CGAS: variants seen among roughly 807,000 people sequenced by gnomAD.
The protein encoded by CGAS is cyclic GMP-AMP synthase, also known as 2'3'-cGAMP synthase.
In CGAS, 31 loss-of-function variants were observed where a neutral mutation model predicts 34.0. That is an observed-to-expected ratio of 0.91 (90% confidence interval 0.69 to 1.23). The LOEUF (loss-of-function observed/expected upper bound fraction) is 1.23, where lower values mean the gene tolerates loss of function less well. CGAS is among the 50% of genes most tolerant of loss of function. The probability of loss-of-function intolerance (pLI) is 0.00; values close to 1 mark genes in which losing one functional copy is unlikely to be tolerated. For missense variants in CGAS, 597 were observed against 657.6 expected (o/e 0.91, Z 1.01); for synonymous variants, 266 against 260.0 (o/e 1.02, Z -0.22).
At position 73,424,603 on chromosome 6, in the gene CGAS, A is replaced by C. The variant is rs1320925851; in HGVS notation, c.*624T>G. Reference sequence around the variant, plus strand: ...GCCTGCATGATAAAGCAAACATGGTAATGTTTTTAGATTTCAAATACTACT... The same window carrying C: ...GCCTGCATGATAAAGCAAACATGGTCATGTTTTTAGATTTCAAATACTACT... On this transcript the variant is annotated 3_prime_UTR_variant, in exon 5 of 5. Transcript: ENST00000370315. 6.6e-6 allele frequency: 1 copy of C among 152,106 alleles called. No homozygotes were observed. The highest frequency in any genetic ancestry group is 1.5e-5 in the Non-Finnish European group (1 of 68,022). 9.4% of individuals were successfully genotyped at this position (152,106 alleles called of 1,614,324 possible).
intron 3 of CGAS, among the ~76,000 whole-genome samples, chr6:73,439,308 C>T (rs1249568277): frequency 2.6e-5 from 4 of 151,096 alleles, no homozygotes; most frequent in Admixed American, 6.6e-5. Context: ...GGTGAAACCC[C>T]GTCTCTACTA....
chr6:73,431,159 T>C (rs976538544), intron 3 of CGAS, among the ~76,000 whole-genome samples: 1 of 151,752 alleles, frequency 6.6e-6, no homozygotes, highest in African/African-American at 2.4e-5. Context: ...AGTTACCTTC[T>C]AGATCTAACT....
rs772235312 is a variant in CGAS at position 73,440,265 on chromosome 6, C to T, written c.1058G>A (p.Arg353Gln). ...WLSAKVRKQL[R>Q]LKPFYLVPKH... ...GGGTACAAGGTAAAATGGCTTTAGT[C>T]GTAGTTGCTTCCTAACTTTTGCTGA... is the stretch of plus-strand genomic sequence containing the variant. The change falls in exon 3 of 5, where the codon CGA (arginine) becomes CAA (glutamine). Residue 353 changes from arginine to glutamine, a missense_variant. Arg to Gln is a conservative substitution (Grantham distance 43). Transcript: ENST00000370315. The T allele has an allele frequency of 6.1e-5, 98 of 1,614,148 alleles. No individual in the cohort carries two copies. Among genetic ancestry groups the T allele is most frequent in the Non-Finnish European group, 7.7e-5 (91 of 1,180,026 alleles).
At chr6:73,445,091 G>A (rs1478495363) in intron 2 of CGAS, among the ~76,000 whole-genome samples, 1 of 152,030 alleles carries the variant, frequency 6.6e-6, no homozygotes, top group African/African-American at 2.4e-5. Context: ...TAGGTTTGGA[G>A]TGCAAAGGAT....
At chr6:73,437,097 A>G (rs1305012889) in intron 3 of CGAS, among the ~76,000 whole-genome samples, 7 of 152,278 alleles carry the variant, frequency 4.6e-5, no homozygotes, top group African/African-American at 1.4e-4. Context: ...GGCTGCAGTG[A>G]GCCAAGATTG....
chr6:73,449,474 C>G (rs1047917616), intron 1 of CGAS, among the ~76,000 whole-genome samples: 59 of 123,916 alleles, frequency 4.8e-4, no homozygotes, highest in African/African-American at 1.9e-3. Flanking sequence ...GACTCTGTCT[C>G]AAACACACAC....
At chr6:73,440,054 T>C in intron 3 of CGAS, 155 bp downstream of exon 3, 1 of 636,772 alleles carries the variant, frequency 1.6e-6, no homozygotes, top group Non-Finnish European at 2.7e-6. Context: ...CCCTTTTCAA[T>C]TCTGTCTGTC....
intron 3 of CGAS, among the ~76,000 whole-genome samples, chr6:73,438,681 C>A (rs767050419): frequency 2.6e-4 from 24 of 91,994 alleles, no homozygotes; most frequent in Non-Finnish European, 4.1e-4. Context: ...GGCAACAAAG[C>A]AAGAATCCGT....
chr6:73,426,146 G>T (rs925752390), intron 4 of CGAS, among the ~76,000 whole-genome samples: 3 of 151,018 alleles, frequency 2.0e-5, no homozygotes, highest in African/African-American at 7.3e-5. Context: ...AGCCAGGTGT[G>T]GTGGCGTGCA....
At position 73,443,966 on chromosome 6, in the gene CGAS, C is replaced by A. The variant is rs555205960; in HGVS notation, c.877+1562G>T. 2.0e-5 allele frequency among the ~76,000 whole-genome samples: 3 copies of A among 152,232 alleles called. No individual in the cohort carries two copies. The South Asian group carries it at 6.2e-4, about 32-fold the overall frequency. On this transcript the variant is annotated intron_variant, in intron 2 of 4. Coordinates refer to ENST00000370315, the MANE Select transcript of CGAS (RefSeq NM_138441.3). ...AGCCAGGGACCAGATTCTGTACTGA[C>A]TTGTAGACCCTGAAAAGGACTTTAG...
In CGAS at chr6:73,426,749, G is replaced by A. The variant is rs2025497; in HGVS notation, c.1218-1171C>T. 4.0e-3 allele frequency among the ~76,000 whole-genome samples: 606 copies of A among 151,704 alleles called. 4 individuals are homozygous for A. The highest frequency in any genetic ancestry group is 7.1e-3 in the Non-Finnish European group (480 of 67,944). ...CACAGAATTATTTACATTATTAAGA[G>A]TACCATAGATAATCTGCCATCTCAT... On this transcript the variant is annotated intron_variant, in intron 4 of 4. Transcript: ENST00000370315.
At chr6:73,429,188 CAAAA>C (rs1178080880) in intron 3 of CGAS, among the ~76,000 whole-genome samples, 1 of 90,892 alleles carries the variant, frequency 1.1e-5, no homozygotes. Context: ...AAAACTCCAT[CAAAA>C]AAAAAAAAAG....
In CGAS at chr6:73,448,961, C is replaced by T. The variant is rs190856776; in HGVS notation, c.657+2564G>A. ...AAAATTAGCCAGGTGAGGTGACGCC[C>T]GCCTGTAATCCCAGTTACTCTGGAG... is the stretch of plus-strand genomic sequence containing the variant. On this transcript the variant is annotated intron_variant, in intron 1 of 4. Transcript: ENST00000370315. 1.4e-4 allele frequency among the ~76,000 whole-genome samples: 22 copies of T among 151,784 alleles called. No homozygotes were observed. The East Asian group carries it at 2.5e-3, about 17-fold the overall frequency.
At chr6:73,447,726 T>A (rs1199233920) in intron 1 of CGAS, among the ~76,000 whole-genome samples, 1 of 152,200 alleles carries the variant, frequency 6.6e-6, no homozygotes, top group Non-Finnish European at 1.5e-5. Context: ...TAGCTGGGAC[T>A]ATCAGAATGC....
chr6:73,428,642 G>T, intron 4 of CGAS, 67 bp downstream of exon 4: 1 of 1,440,216 alleles, frequency 6.9e-7, no homozygotes, highest in Non-Finnish European at 9.6e-7. Context: ...CAGGTCTGAG[G>T]TGTGGAGTCA....
At chr6:73,434,695 T>G (rs1238877635) in intron 3 of CGAS, among the ~76,000 whole-genome samples, 1 of 152,076 alleles carries the variant, frequency 6.6e-6, no homozygotes, top group East Asian at 1.9e-4. Flanking sequence ...TCTCCTAGAC[T>G]GGAGTGCAGT....
chr6:73,432,772 T>C (rs945792243), intron 3 of CGAS, among the ~76,000 whole-genome samples: 1 of 152,154 alleles, frequency 6.6e-6, no homozygotes, highest in Non-Finnish European at 1.5e-5. Context: ...CCTTTGGTAC[T>C]GGTTTAAAAT....
In CGAS at chr6:73,452,202, C is replaced by T; in HGVS notation, c.-21G>A. The T allele has an allele frequency of 6.3e-7, 1 of 1,580,182 alleles. No homozygotes were observed. The highest frequency in any genetic ancestry group is 1.1e-5 in the South Asian group (1 of 87,190). ...TGCATGGCTGGCGCTTTCTGTTCCC[C>T]GAAAGAAGAATCCGTTTCAGGAAAA... On this transcript the variant is annotated 5_prime_UTR_variant, in exon 1 of 5. Coordinates refer to ENST00000370315, the MANE Select transcript of CGAS (RefSeq NM_138441.3).
In CGAS at chr6:73,425,343, TA is replaced by T; in HGVS notation, c.1452del (p.Phe484LeufsTer12). ...CTAGAGAATAGATTGAATTCAGGAATAAAATAATTCTCAAGTTTTTCTGTCC... is the reference window on the plus strand; with the variant it reads ...CTAGAGAATAGATTGAATTCAGGAATAAATAATTCTCAAGTTTTTCTGTCC... Reference protein sequence around the residue: ...CLRTEKLENYFIPEFNLFSSN... With the variant: ...CLRTEKLENYXIPEFNLFSSN... On this transcript the variant is annotated frameshift_variant, in exon 5 of 5. Transcript: ENST00000370315. LOFTEE classifies it high-confidence loss of function. 1 of 1,611,316 alleles carries T rather than the reference TA, an allele frequency of 6.2e-7. No individual in the cohort carries two copies. Among genetic ancestry groups the T allele is most frequent in the Non-Finnish European group, 8.5e-7 (1 of 1,179,446 alleles).
Sources: allele counts gnomAD v4.1 joint callset (sites outside exome capture counted in the v4.1 genomes callset), GRCh38; gene constraint gnomAD v4.1.1; transcripts MANE v1.5; gene names NCBI Gene and HGNC (gene_info 2026-07-23, HGNC 2026-07-21).